The following ZDHHC5 variants were observed in gnomAD, a reference collection of about 807,000 sequenced individuals.
ZDHHC5 encodes the protein zDHHC palmitoyltransferase 5.
Under a neutral mutation model 70.0 loss-of-function variants are expected in ZDHHC5, and 22 were observed. The ratio of observed to expected loss-of-function variants is 0.31; its 90% CI spans 0.22 to 0.45. ZDHHC5 has a LOEUF of 0.45. Among genes scored for constraint, ZDHHC5 ranks in the 20% least tolerant of loss-of-function variants. ZDHHC5 has a pLI of 1.00. For missense variants in ZDHHC5, 746 were observed against 926.9 expected (o/e 0.80, Z 2.53); for synonymous variants, 313 against 347.8 (o/e 0.90, Z 1.11).
chr11:57,696,144 CGTGTT>C, intron 9 of ZDHHC5, 101 bp downstream of exon 9: 1 of 1,472,816 alleles, frequency 6.8e-7, no homozygotes, highest in Non-Finnish European at 9.0e-7. Flanking sequence ...AGATATTACT[CGTGTT>C]GTGACTTTAA....
intron 3 of ZDHHC5, among the ~76,000 whole-genome samples, chr11:57,687,985 G>A (rs1003934306): frequency 7.9e-5 from 12 of 151,840 alleles, no homozygotes; most frequent in African/African-American, 2.2e-4. Context: ...TGGCCGTGCT[G>A]GTTTTGAACT....
chr11:57,676,672 A>G (rs1946075441), intron 2 of ZDHHC5, among the ~76,000 whole-genome samples: 1 of 152,028 alleles, frequency 6.6e-6, no homozygotes. Context: ...CAACATAAAA[A>G]TTAGGGCTGC....
At position 57,698,942 on chromosome 11, in the gene ZDHHC5, G is replaced by A. The variant is rs1946396026; in HGVS notation, c.1506G>A (p.Leu502=). The A allele has an allele frequency of 3.1e-6, 5 of 1,613,652 alleles. No individual in the cohort carries two copies. Among genetic ancestry groups the A allele is most frequent in the Non-Finnish European group, 4.2e-6 (5 of 1,180,002 alleles). The part of the protein sequence containing the change: ...DPPLGYTSPF[L]SARLAQQREA... The stretch of plus-strand genomic sequence containing the variant: ...CTTTAGGCTATACCTCTCCCTTCCT[G>A]TCAGCCAGGCTGGCCCAGCAACGGG... Residue 502 remains leucine (L), a synonymous_variant, in exon 11 of 12, where the codon CTG becomes CTA. Coordinates refer to ENST00000287169, the MANE Select transcript of ZDHHC5 (RefSeq NM_015457.3).
In ZDHHC5 at chr11:57,700,053, C is replaced by T; in HGVS notation, c.*22C>T. On this transcript the variant is annotated 3_prime_UTR_variant, in exon 12 of 12. Coordinates refer to ENST00000287169, the MANE Select transcript of ZDHHC5 (RefSeq NM_015457.3). Reference sequence around the variant, plus strand: ...GTGAGCCTTCGGCACCTCCCCTCCCCAACGCCTCTGCGCCTACACCAAAGG... The same window carrying T: ...GTGAGCCTTCGGCACCTCCCCTCCCTAACGCCTCTGCGCCTACACCAAAGG... 1 of 1,549,454 alleles carries T rather than the reference C, an allele frequency of 6.5e-7. No individual in the cohort carries two copies. Among genetic ancestry groups the T allele is most frequent in the Non-Finnish European group, 8.7e-7 (1 of 1,149,582 alleles).
chr11:57,675,053 G>A (rs1590856748), intron 2 of ZDHHC5, among the ~76,000 whole-genome samples: 1 of 152,292 alleles, frequency 6.6e-6, no homozygotes, highest in Admixed American at 6.5e-5. Context: ...GTCAGAACTT[G>A]TTTTGGTTTT....
chr11:57,696,650 T>G, intron 9 of ZDHHC5, 111 bp from the exon 10 acceptor site: 34 of 909,716 alleles, frequency 3.7e-5, no homozygotes, highest in Non-Finnish European at 5.5e-5. Context: ...AAGGCTCCAG[T>G]GAGCTATAAT....
At chr11:57,691,188 C>T (rs528542628) in intron 6 of ZDHHC5, among the ~76,000 whole-genome samples, 30 of 152,230 alleles carry the variant, frequency 2.0e-4, no homozygotes, top group African/African-American at 6.7e-4. Flanking sequence ...TCTCCTGCCT[C>T]AGGCTCCCAA....
At chr11:57,668,765 C>G (rs1189103226) in intron 1 of ZDHHC5, among the ~76,000 whole-genome samples, 1 of 152,248 alleles carries the variant, frequency 6.6e-6, no homozygotes, top group Non-Finnish European at 1.5e-5. Context: ...CCGCCACCAG[C>G]CGAGTGCTCC....
chr11:57,676,385 C>T (rs904003733), intron 2 of ZDHHC5, among the ~76,000 whole-genome samples: 2 of 152,146 alleles, frequency 1.3e-5, no homozygotes, highest in South Asian at 4.1e-4. Flanking sequence ...CTGAAGTAAC[C>T]TTCTACCTCC....
chr11:57,674,286 T>A (rs1197140781), intron 2 of ZDHHC5, among the ~76,000 whole-genome samples: 3 of 152,052 alleles, frequency 2.0e-5, no homozygotes, highest in African/African-American at 4.8e-5. Context: ...TGGAAGAGAC[T>A]GAGTGATTTA....
chr11:57,686,835 T>TG (rs1490283063), intron 3 of ZDHHC5, among the ~76,000 whole-genome samples: 2 of 144,626 alleles, frequency 1.4e-5, no homozygotes, highest in African/African-American at 2.7e-5. Context: ...GTGTGTGTGT[T>TG]TTTTTTTTTT....
At position 57,699,274 on chromosome 11, in the gene ZDHHC5, G is replaced by A; in HGVS notation, c.1838G>A (p.Gly613Glu). Residue 613 changes from glycine to glutamate, a missense_variant, in exon 11 of 12, where the codon GGG (glycine) becomes GAG (glutamate). Around this residue, in one of 6 missense-constraint regions of ZDHHC5, gnomAD observed 340 missense variants for 350.1 expected, o/e 0.97. Transcript: ENST00000287169. ...GTCCCCCGTTTTGGCAAGCCAGATG[G>A]GCTAAGGGGCCGGGGAGTAGGGTCC... ...PAVPRFGKPD[G>E]LRGRGVGSPE... The A allele has an allele frequency of 6.2e-7, 1 of 1,614,250 alleles. No homozygotes were observed. The highest frequency in any genetic ancestry group is 1.6e-4 in the Middle Eastern group (1 of 6,062).
chr11:57,671,162 C>T (rs183191132), intron 1 of ZDHHC5, among the ~76,000 whole-genome samples: 29 of 152,170 alleles, frequency 1.9e-4, no homozygotes, highest in East Asian at 1.2e-3. Context: ...GGAATGTCCT[C>T]GGGCATTCTG....
rs780253498 is a variant in ZDHHC5 at position 57,696,887 on chromosome 11, T to TA, written c.1122+16dup. The TA allele has an allele frequency of 3.4e-4, 547 of 1,612,298 alleles. 1 individual carries two copies. The highest frequency in any genetic ancestry group is 5.2e-4 in the Middle Eastern group (3 of 5,764). Reference sequence around the variant, plus strand: ...TCCAGCGCCAAGGTACTGAGTACTCTAAGAGGTGGGGTAATAACATGCCAA... The same window carrying TA: ...TCCAGCGCCAAGGTACTGAGTACTCTAAAGAGGTGGGGTAATAACATGCCAA... On this transcript the variant is annotated intron_variant, in intron 10 of 11. Coordinates refer to ENST00000287169, the MANE Select transcript of ZDHHC5 (RefSeq NM_015457.3).
Position 57,699,100 on chromosome 11 carries a change from C to T in ZDHHC5, c.1664C>T (p.Pro555Leu), listed in dbSNP as rs146478161. The T allele has an allele frequency of 6.2e-7, 1 of 1,613,866 alleles. No homozygotes were observed. Among genetic ancestry groups the T allele is most frequent in the Non-Finnish European group, 8.5e-7 (1 of 1,179,876 alleles). ...CGAGAGAAGTTGCTGCGCCAGTCACCCCCACTCCCGGGCCGTGAGGAAGAA... is the reference window on the plus strand; with the variant it reads ...CGAGAGAAGTTGCTGCGCCAGTCACTCCCACTCCCGGGCCGTGAGGAAGAA... The part of the protein sequence containing the change: ...QEREKLLRQS[P>L]PLPGREEEPG... Residue 555 changes from proline (P) to leucine (L), a missense_variant, in exon 11 of 12, where the codon CCC (proline) becomes CTC (leucine). By Grantham distance (98) the Pro-to-Leu change is moderately conservative. Around this residue, in one of 6 missense-constraint regions of ZDHHC5, gnomAD observed 340 missense variants for 350.1 expected, o/e 0.97. Coordinates refer to ENST00000287169, the MANE Select transcript of ZDHHC5 (RefSeq NM_015457.3).
chr11:57,688,680 TG>T lies in ZDHHC5; in HGVS notation c.384+19del, dbSNP rs1345888552. On this transcript the variant is annotated intron_variant, in intron 4 of 11. Coordinates refer to ENST00000287169, the MANE Select transcript of ZDHHC5 (RefSeq NM_015457.3). ...ACTGTGTGGAGGTAAGCACCCTGGGTGGGGTAAGACTTCATGCTTAACCTTC... is the reference window on the plus strand; with the variant it reads ...ACTGTGTGGAGGTAAGCACCCTGGGTGGGTAAGACTTCATGCTTAACCTTC... 4.4e-6 allele frequency: 7 copies of T among 1,581,862 alleles called. No individual in the cohort carries two copies. In the African/African-American group the frequency reaches 9.5e-5, roughly 21 times the overall value.
intron 3 of ZDHHC5, among the ~76,000 whole-genome samples, chr11:57,686,057 A>T (rs1946204787): frequency 6.6e-6 from 1 of 152,172 alleles, no homozygotes; most frequent in African/African-American, 2.4e-5. Context: ...ATTGTGTAAG[A>T]GTAATCAAAG....
intron 7 of ZDHHC5, among the ~76,000 whole-genome samples, chr11:57,693,125 G>A (rs572273247): frequency 5.8e-4 from 88 of 152,198 alleles, no homozygotes; most frequent in African/African-American, 2.1e-3. Flanking sequence ...TGGCCAATAT[G>A]GTGAAACCCC....
At chr11:57,696,117 G>T in intron 9 of ZDHHC5, 74 bp downstream of exon 9, 1 of 1,536,440 alleles carries the variant, frequency 6.5e-7, no homozygotes, top group Non-Finnish European at 8.7e-7. Flanking sequence ...AGCTGTGGAA[G>T]ACAGGCAAGG....
Sources: gnomAD v4.1 joint callset for allele counts (sites outside exome capture counted in the v4.1 genomes callset) on GRCh38, gnomAD v4.1.1 for gene constraint, gnomAD v4.1.1 regional missense constraint, MANE v1.5 for transcripts, NCBI Gene and HGNC (gene_info 2026-07-23, HGNC 2026-07-21) for gene names.